EIPR1: variants seen among roughly 807,000 people sequenced by gnomAD.
The protein encoded by EIPR1 is EARP complex and GARP complex interacting protein 1.
In EIPR1, 25 loss-of-function variants were observed where a neutral mutation model predicts 48.1. That is an observed-to-expected ratio of 0.52 (90% CI 0.38 to 0.73). EIPR1 has a LOEUF of 0.73. Ranked by LOEUF, EIPR1 falls within the 30% of genes least tolerant of loss-of-function variation. The pLI is 0.00. For synonymous variants in EIPR1, 204 were observed against 201.9 expected, an observed-to-expected ratio of 1.01 and a Z score of -0.09; for missense variants, 415 against 506.2, an observed-to-expected ratio of 0.82 and a Z score of 1.73.
Position 3,192,507 on chromosome 2 carries a change from A to G in EIPR1, c.896T>C (p.Leu299Pro). Residue 299 changes from leucine to proline, a missense_variant, in exon 8 of 9, where the codon CTT becomes CCT. By Grantham distance (98) the Leu-to-Pro change is moderately conservative (BLOSUM62 -3). Coordinates refer to ENST00000382125, the MANE Select transcript of EIPR1 (RefSeq NM_003310.5). Reference sequence around the variant, plus strand: ...CGACGAGATGGACACCATGTTGGAAAGGATGACTCTGCTGTCACTGCTGCC... The same window carrying G: ...CGACGAGATGGACACCATGTTGGAAGGGATGACTCTGCTGTCACTGCTGCC... ...LTGSSDSRVILSNMVSISSEP... is the reference protein window; with the variant it reads ...LTGSSDSRVIPSNMVSISSEP... 1 of 1,613,156 alleles carries G rather than the reference A, an allele frequency of 6.2e-7. No homozygotes were observed. Among genetic ancestry groups the G allele is most frequent in the South Asian group, 1.1e-5 (1 of 90,998 alleles).
chr2:3,372,118 G>T (rs941046899), intron 1 of EIPR1, among the ~76,000 whole-genome samples: 9 of 151,136 alleles, frequency 6.0e-5, no homozygotes, highest in Admixed American at 4.6e-4. Flanking sequence ...TGAACAACCT[G>T]CTCCTGAATG....
chr2:3,334,763 A>T (rs778445507), intron 3 of EIPR1, among the ~76,000 whole-genome samples: 3 of 152,254 alleles, frequency 2.0e-5, no homozygotes, highest in Non-Finnish European at 4.4e-5. Context: ...CTTGGAACTT[A>T]GACATGAATG....
At chr2:3,338,434 T>C (rs1310292047) in intron 2 of EIPR1, among the ~76,000 whole-genome samples, 6 of 152,248 alleles carry the variant, frequency 3.9e-5, no homozygotes, top group African/African-American at 1.2e-4. Context: ...CCAAACGCTG[T>C]GTCCTCAAGT....
At chr2:3,281,993 G>C (rs1668027522) in intron 3 of EIPR1, among the ~76,000 whole-genome samples, 1 of 152,194 alleles carries the variant, frequency 6.6e-6, no homozygotes. Context: ...TCAAATGCCA[G>C]GATGCTTTAA....
At chr2:3,350,849 A>G (rs1670550361) in intron 2 of EIPR1, among the ~76,000 whole-genome samples, 1 of 152,010 alleles carries the variant, frequency 6.6e-6, no homozygotes, top group Non-Finnish European at 1.5e-5. Context: ...CTGGCAAACT[A>G]ATCTGAGTAA....
chr2:3,261,396 C>G (rs1667330640), intron 3 of EIPR1, among the ~76,000 whole-genome samples: 2 of 152,160 alleles, frequency 1.3e-5, no homozygotes, highest in Non-Finnish European at 2.9e-5. Flanking sequence ...AATCCCTTAC[C>G]CAGATCCAGA....
intron 4 of EIPR1, among the ~76,000 whole-genome samples, chr2:3,236,101 G>C (rs978288395): frequency 4.6e-5 from 7 of 152,308 alleles, no homozygotes; most frequent in Admixed American, 4.6e-4. Flanking sequence ...CCGCCACCTA[G>C]AAATGAACAG....
At chr2:3,336,390 T>C (rs981740591) in intron 3 of EIPR1, among the ~76,000 whole-genome samples, 2 of 152,036 alleles carry the variant, frequency 1.3e-5, no homozygotes, top group South Asian at 4.1e-4. Flanking sequence ...AGGAGGTGCA[T>C]AGCCACACTC....
At chr2:3,246,898 A>AG (rs1666829136) in intron 4 of EIPR1, among the ~76,000 whole-genome samples, 1 of 73,402 alleles carries the variant, frequency 1.4e-5, no homozygotes, top group African/African-American at 5.5e-5. Flanking sequence ...GGAGGGAGGG[A>AG]AGGAGGGAGA....
chr2:3,333,026 G>C (rs1669944205), intron 3 of EIPR1, among the ~76,000 whole-genome samples: 1 of 152,192 alleles, frequency 6.6e-6, no homozygotes, highest in African/African-American at 2.4e-5. Flanking sequence ...AGTGTGAAGA[G>C]AACATCACTC....
chr2:3,222,099 A>T (rs1307370603), intron 4 of EIPR1, among the ~76,000 whole-genome samples: 1 of 152,206 alleles, frequency 6.6e-6, no homozygotes, highest in Non-Finnish European at 1.5e-5. Context: ...CTACATGCAC[A>T]TCCAGCAGCA....
intron 2 of EIPR1, among the ~76,000 whole-genome samples, chr2:3,345,552 G>C (rs917008163): frequency 6.6e-6 from 1 of 151,998 alleles, no homozygotes; most frequent in Non-Finnish European, 1.5e-5. Context: ...TTGAAACTGG[G>C]AGGCAGAGGT....
intron 3 of EIPR1, among the ~76,000 whole-genome samples, chr2:3,267,905 C>T (rs1358721648): frequency 2.6e-5 from 4 of 152,248 alleles, no homozygotes; most frequent in African/African-American, 9.6e-5. Context: ...CAGTGACCCA[C>T]TTGCCACCTC....
At chr2:3,285,319 A>ACCCCCCCCCC (rs1437845749) in intron 3 of EIPR1, among the ~76,000 whole-genome samples, 1 of 57,582 alleles carries the variant, frequency 1.7e-5, no homozygotes, top group Non-Finnish European at 3.7e-5. Context: ...ACACCCTCCC[A>ACCCCCCCCCC]CCCCCCCACC....
At chr2:3,229,714 T>C (rs899499829) in intron 4 of EIPR1, among the ~76,000 whole-genome samples, 2 of 152,214 alleles carry the variant, frequency 1.3e-5, no homozygotes, top group Non-Finnish European at 2.9e-5. Context: ...AATACACAAT[T>C]AGGATCTTCA....
At chr2:3,304,763 T>TCCAGTCCCGTCCAGTTCAGCCAA in intron 3 of EIPR1, among the ~76,000 whole-genome samples, 1 of 148,994 alleles carries the variant, frequency 6.7e-6, no homozygotes. Context: ...AGTTCAGCCC[T>TCCAGTCCCGTCCAGTTCAGCCAA]CCAGTCCCGT....
intron 5 of EIPR1, among the ~76,000 whole-genome samples, chr2:3,210,336 G>A (rs866276851): frequency 6.6e-6 from 1 of 152,142 alleles, no homozygotes; most frequent in African/African-American, 2.4e-5. Context: ...CAGGGTGAAC[G>A]CATCTCCCAC....
chr2:3,256,048 G>A (rs1310382085), intron 4 of EIPR1, among the ~76,000 whole-genome samples: 1 of 152,164 alleles, frequency 6.6e-6, no homozygotes, highest in South Asian at 2.1e-4. Context: ...CCCTTACTGT[G>A]CAAGACTGGC....
At chr2:3,276,312 C>T (rs186533404) in intron 3 of EIPR1, among the ~76,000 whole-genome samples, 32 of 152,238 alleles carry the variant, frequency 2.1e-4, no homozygotes, top group Admixed American at 6.5e-4. Context: ...ATATTCATCT[C>T]CAGACAGAGA....
Sources: gnomAD v4.1 joint callset for allele counts (sites outside exome capture counted in the v4.1 genomes callset) on GRCh38, gnomAD v4.1.1 for gene constraint, MANE v1.5 for transcripts, NCBI Gene and HGNC (gene_info 2026-07-23, HGNC 2026-07-21) for gene names.